Variants in FTO observed in about 807,000 individuals in gnomAD.
FTO encodes the protein alpha-ketoglutarate-dependent dioxygenase FTO.
In FTO, 47 loss-of-function variants were observed where a neutral mutation model predicts 63.9. The observed-to-expected ratio is 0.74, with a 90% confidence interval of 0.58 to 0.94. The LOEUF (loss-of-function observed/expected upper bound fraction) is 0.94. FTO is among the 40% of genes least tolerant of loss of function. FTO has a pLI of 0.00. For synonymous variants in FTO, 207 were observed against 224.4 expected (o/e 0.92, Z 0.69); for missense variants, 562 against 618.1 (o/e 0.91, Z 0.96).
intron 8 of FTO, chr16:53,981,634 G>T (rs146126135): frequency 6.6e-6 from 1 of 152,228 alleles, no homozygotes; most frequent in African/African-American, 2.4e-5. Flanking sequence ...TTAGGTCCGG[G>T]TGCGGTGGCT....
chr16:54,081,369 T>C (rs888748553), intron 8 of FTO, among the ~76,000 whole-genome samples: 2 of 152,226 alleles, frequency 1.3e-5, no homozygotes, highest in Non-Finnish European at 2.9e-5. Context: ...CCAGTTTTTC[T>C]TGGACTTATG....
chr16:53,708,681 CTTG>C (rs1165456726), intron 1 of FTO, among the ~76,000 whole-genome samples: 4 of 152,202 alleles, frequency 2.6e-5, no homozygotes, highest in Admixed American at 1.3e-4. Flanking sequence ...CTTGTCAACA[CTTG>C]TTGTTGTCTG....
chr16:53,903,436 T>C (rs2081455148), intron 7 of FTO, among the ~76,000 whole-genome samples: 1 of 152,048 alleles, frequency 6.6e-6, no homozygotes, highest in Non-Finnish European at 1.5e-5. Flanking sequence ...TTTTTGTATT[T>C]TTAGTAGAGA....
intron 4 of FTO, among the ~76,000 whole-genome samples, chr16:53,852,213 C>T (rs1375193782): frequency 1.3e-5 from 2 of 151,044 alleles, no homozygotes; most frequent in Non-Finnish European, 2.9e-5. Flanking sequence ...GAGGTTGAGC[C>T]TAAAGGGAAC....
rs1304805704 is a variant in FTO, at chr16:54,113,615, G to T, written c.*1700G>T. On this transcript the variant is annotated 3_prime_UTR_variant, in exon 9 of 9. Transcript: ENST00000471389. ...CACAGGGTCATTACAGAGATTAAAT[G>T]AAATAAATGAAATAACATAGACCAG... The T allele has an allele frequency of 6.6e-6, 1 of 152,196 alleles. No homozygotes were observed. Among genetic ancestry groups the T allele is most frequent in the African/African-American group, 2.4e-5 (1 of 41,540 alleles). 9.4% of individuals were successfully genotyped at this position (152,196 alleles called of 1,614,324 possible). A position where few individuals can be genotyped will look rare whatever the true frequency, so the allele number is the denominator to read the frequency against.
At chr16:53,732,661 C>T (rs1267569092) in intron 1 of FTO, among the ~76,000 whole-genome samples, 3 of 152,134 alleles carry the variant, frequency 2.0e-5, no homozygotes, top group African/African-American at 7.2e-5. Flanking sequence ...AGGAGAATGA[C>T]CTGCTTGGCA....
intron 1 of FTO, among the ~76,000 whole-genome samples, chr16:53,794,400 C>G (rs998076730): frequency 1.3e-5 from 2 of 152,134 alleles, no homozygotes; most frequent in East Asian, 3.8e-4. Context: ...GCTAACTAAA[C>G]ATAAAGGGCT....
chr16:54,072,628 T>A (rs1027216592), intron 8 of FTO: 5 of 152,316 alleles, frequency 3.3e-5, no homozygotes, highest in South Asian at 2.1e-4. Flanking sequence ...AGCTTTGAAA[T>A]AAAAGCAGAC....
intron 1 of FTO, among the ~76,000 whole-genome samples, chr16:53,777,205 C>T (rs1011989649): frequency 2.0e-5 from 3 of 152,116 alleles, no homozygotes; most frequent in African/African-American, 7.2e-5. Flanking sequence ...CTAACATCTC[C>T]CCTTTCTCTG....
chr16:53,883,294 C>T (rs1691388702), intron 6 of FTO, among the ~76,000 whole-genome samples: 1 of 152,116 alleles, frequency 6.6e-6, no homozygotes, highest in Admixed American at 6.6e-5. Flanking sequence ...TGTAAAATCA[C>T]ACTGTGTATA....
chr16:53,819,822 A>G (rs932958329), intron 2 of FTO, among the ~76,000 whole-genome samples: 4 of 152,076 alleles, frequency 2.6e-5, no homozygotes, highest in Non-Finnish European at 5.9e-5. Flanking sequence ...GTAGTTTTAG[A>G]ACATTTTTAG....
chr16:53,887,734 G>A (rs1038230337), intron 6 of FTO: 2 of 152,268 alleles, frequency 1.3e-5, no homozygotes, highest in East Asian at 1.9e-4. Flanking sequence ...TTGGTCTCAA[G>A]CATTTCAGAT....
At chr16:53,753,593 T>C (rs1219047301) in intron 1 of FTO, among the ~76,000 whole-genome samples, 1 of 152,210 alleles carries the variant, frequency 6.6e-6, no homozygotes, top group South Asian at 2.1e-4. Context: ...TTGTGGCTCG[T>C]GTCCTTCCTA....
intron 1 of FTO, among the ~76,000 whole-genome samples, chr16:53,719,327 G>C (rs1355878038): frequency 6.7e-6 from 1 of 149,726 alleles, no homozygotes; most frequent in Non-Finnish European, 1.5e-5. Context: ...TGCCTCCCGG[G>C]CTCAAACAGT....
At chr16:54,105,771 C>CTG (rs57782663) in intron 8 of FTO, among the ~76,000 whole-genome samples, 28,562 of 137,722 alleles carry the variant, frequency 0.21, 2,956 homozygotes, top group East Asian at 0.44. Context: ...AAGTTCTAGT[C>CTG]TGTGTGTGTG....
intron 3 of FTO, among the ~76,000 whole-genome samples, chr16:53,829,888 A>G (rs893731532): frequency 3.3e-5 from 5 of 150,664 alleles, no homozygotes; most frequent in African/African-American, 1.2e-4. Context: ...TGGCTTGGCC[A>G]AGGTCACATT....
chr16:53,970,539 C>T (rs925936481), intron 8 of FTO, among the ~76,000 whole-genome samples: 2 of 146,926 alleles, frequency 1.4e-5, no homozygotes, highest in Non-Finnish European at 3.0e-5. Context: ...CATAGTGAGC[C>T]GAGATTGCAC....
intron 8 of FTO, among the ~76,000 whole-genome samples, chr16:54,111,491 C>T (rs1178582504): frequency 6.6e-6 from 1 of 152,296 alleles, no homozygotes; most frequent in East Asian, 1.9e-4. Context: ...GGCAGAGTAA[C>T]TGAATTTCCC....
At chr16:53,929,638 T>C (rs1237138139) in intron 7 of FTO, among the ~76,000 whole-genome samples, 2 of 152,240 alleles carry the variant, frequency 1.3e-5, no homozygotes, top group Non-Finnish European at 2.9e-5. Flanking sequence ...AGAATGGTAG[T>C]ATTTTGCATT....
Sources: allele counts gnomAD v4.1 joint callset (sites outside exome capture counted in the v4.1 genomes callset), GRCh38; gene constraint gnomAD v4.1.1; transcripts MANE v1.5; gene names NCBI Gene and HGNC (gene_info 2026-07-23, HGNC 2026-07-21).